The following ZNRF2 variants were observed in gnomAD, a reference collection of about 807,000 sequenced individuals.
ZNRF2 encodes the protein zinc and ring finger 2, also known as E3 ubiquitin-protein ligase ZNRF2.
A neutral mutation model predicts 20.4 loss-of-function variants in ZNRF2; 16 were observed. The observed-to-expected ratio is 0.79, with a 90% CI of 0.53 to 1.19. The LOEUF (loss-of-function observed/expected upper bound fraction) is 1.19, where lower values mean the gene tolerates loss of function less well. Ranked by LOEUF, ZNRF2 falls within the 50% of genes most tolerant of loss-of-function variation. The pLI is 0.00. For missense variants in ZNRF2, 363 were observed against 332.4 expected (o/e 1.09, Z -0.72); for synonymous variants, 178 against 144.9 (o/e 1.23, Z -1.64).
intron 4 of ZNRF2, among the ~76,000 whole-genome samples, chr7:30,363,739 A>G (rs954426603): frequency 3.3e-5 from 5 of 151,372 alleles, no homozygotes; most frequent in African/African-American, 4.9e-5. Context: ...GCTGACCTCA[A>G]TTGGGTATTT....
chr7:30,362,834 G>C (rs150974570), intron 4 of ZNRF2, among the ~76,000 whole-genome samples: 1 of 152,160 alleles, frequency 6.6e-6, no homozygotes, highest in African/African-American at 2.4e-5. Flanking sequence ...AGAATCACTT[G>C]AGGCTGGGCA....
At chr7:30,346,632 G>T in intron 2 of ZNRF2, among the ~76,000 whole-genome samples, 1 of 151,492 alleles carries the variant, frequency 6.6e-6, no homozygotes, top group African/African-American at 2.4e-5. Flanking sequence ...GAATTTTTTT[G>T]TTTTTTCACC....
At chr7:30,328,044 G>C (rs899368501) in intron 2 of ZNRF2, among the ~76,000 whole-genome samples, 12 of 152,096 alleles carry the variant, frequency 7.9e-5, no homozygotes, top group Non-Finnish European at 1.2e-4. Flanking sequence ...AGCTTTGCCT[G>C]GACTGATTTG....
chr7:30,286,878 TTTAC>T (rs888137604), intron 1 of ZNRF2, among the ~76,000 whole-genome samples: 4 of 152,212 alleles, frequency 2.6e-5, no homozygotes, highest in African/African-American at 7.2e-5. Context: ...TTGTGCCGCT[TTTAC>T]TTATATATTT....
Position 30,285,150 on chromosome 7 carries a change from C to T in ZNRF2, c.-208C>T, listed in dbSNP as rs1329772670. 3 of 416,414 alleles carry T rather than the reference C, an allele frequency of 7.2e-6. No homozygotes were observed. In the Admixed American group the frequency reaches 8.6e-5, roughly 12 times the overall value. The allele number at this position is 416,414 out of a possible 1,614,324, so 25.8% of individuals were successfully genotyped here. A position where few individuals can be genotyped will look rare whatever the true frequency, so the allele number is the denominator to read the frequency against. ...CGCGTCTCCTCGTCTCCCGCGCCCG[C>T]GTCAGGCCGTCGGCCTCGCCCGCCG... On this transcript the variant is annotated 5_prime_UTR_variant, in exon 1 of 5. Coordinates refer to ENST00000323037, the MANE Select transcript of ZNRF2 (RefSeq NM_147128.4).
intron 2 of ZNRF2, among the ~76,000 whole-genome samples, chr7:30,325,084 A>C (rs962844399): frequency 1.3e-5 from 2 of 152,186 alleles, no homozygotes; most frequent in Non-Finnish European, 1.5e-5. Context: ...TCCAAAACCT[A>C]GGAAAGATTT....
At chr7:30,358,855 T>C (rs567559992) in intron 3 of ZNRF2, among the ~76,000 whole-genome samples, 1 of 152,314 alleles carries the variant, frequency 6.6e-6, no homozygotes, top group African/African-American at 2.4e-5. Flanking sequence ...CTTGGTCAAG[T>C]TGTTTTTTTC....
chr7:30,353,172 G>C (rs1799984783), intron 2 of ZNRF2, among the ~76,000 whole-genome samples: 1 of 152,114 alleles, frequency 6.6e-6, no homozygotes, highest in Non-Finnish European at 1.5e-5. Flanking sequence ...ATGAGGTTTT[G>C]AAGTCAGAGT....
intron 4 of ZNRF2, among the ~76,000 whole-genome samples, chr7:30,362,892 C>T (rs944997508): frequency 1.3e-5 from 2 of 152,016 alleles, no homozygotes; most frequent in African/African-American, 4.8e-5. Context: ...CCGAGGCGGG[C>T]GGGTCACGAG....
chr7:30,312,110 G>T (rs1799300499), intron 1 of ZNRF2, among the ~76,000 whole-genome samples: 1 of 152,056 alleles, frequency 6.6e-6, no homozygotes, highest in Non-Finnish European at 1.5e-5. Flanking sequence ...TCGAGTAGCT[G>T]GGACTACAGG....
rs1043485231 is a variant in ZNRF2, at chr7:30,344,044, C to T, written c.566-11684C>T. Among the ~76,000 whole-genome samples the T allele has an allele frequency of 4.6e-5, 7 of 151,394 alleles. No individual in the cohort carries two copies. The East Asian group carries it at 5.8e-4, about 13-fold the overall frequency. ...AAGCGATTCCCCTGCCTCAGCCTCC[C>T]GAATAGCTGGGATTACAGGCGCCTG... On this transcript the variant is annotated intron_variant, in intron 2 of 4. Coordinates refer to ENST00000323037, the MANE Select transcript of ZNRF2 (RefSeq NM_147128.4).
intron 2 of ZNRF2, among the ~76,000 whole-genome samples, chr7:30,346,073 G>A (rs1460863352): frequency 4.0e-5 from 6 of 149,042 alleles, no homozygotes; most frequent in African/African-American, 9.9e-5. Context: ...GCTATTAGAC[G>A]CCCAAAATAT....
chr7:30,365,866 G>A (rs1800205486), intron 4 of ZNRF2, among the ~76,000 whole-genome samples, 169 bp from the exon 5 acceptor site: 2 of 152,132 alleles, frequency 1.3e-5, no homozygotes, highest in Non-Finnish European at 1.5e-5. Flanking sequence ...TGTGAAAGGG[G>A]GATGACTTTG....
At chr7:30,332,370 T>TA (rs1005170004) in intron 2 of ZNRF2, among the ~76,000 whole-genome samples, 9 of 151,736 alleles carry the variant, frequency 5.9e-5, no homozygotes, top group African/African-American at 1.7e-4. Flanking sequence ...TGTTACCTTT[T>TA]AAAAAAAAAT....
At chr7:30,338,410 T>C (rs912965686) in intron 2 of ZNRF2, among the ~76,000 whole-genome samples, 3 of 150,982 alleles carry the variant, frequency 2.0e-5, no homozygotes, top group African/African-American at 7.4e-5. Flanking sequence ...CTCCTAATGC[T>C]GTCCCTCCCC....
chr7:30,295,044 AGAGAGAGTGTGT>A (rs1176582837), intron 1 of ZNRF2, among the ~76,000 whole-genome samples: 6 of 111,800 alleles, frequency 5.4e-5, no homozygotes, highest in South Asian at 3.0e-4. Flanking sequence ...AGAGAGAGAG[AGAGAGAGTGTGT>A]GTGTGTGTGT....
chr7:30,328,448 T>C (rs1325331638), intron 2 of ZNRF2, among the ~76,000 whole-genome samples: 2 of 152,208 alleles, frequency 1.3e-5, no homozygotes, highest in Non-Finnish European at 2.9e-5. Context: ...CCAAAGTAGC[T>C]AGATCTGAAA....
chr7:30,314,390 C>T (rs1199832692), intron 1 of ZNRF2, among the ~76,000 whole-genome samples: 1 of 152,018 alleles, frequency 6.6e-6, no homozygotes, highest in Non-Finnish European at 1.5e-5. Context: ...CAGTGGTGGC[C>T]CACTGTTAAG....
At position 30,285,335 on chromosome 7, in the gene ZNRF2, G is replaced by A; in HGVS notation, c.-23G>A. The stretch of plus-strand genomic sequence containing the variant: ...CCGGCTCTCGGGGCGCAGCGCGCGG[G>A]CCCGGCCCGGGGCAGGGCGGACATG... On this transcript the variant is annotated 5_prime_UTR_variant, in exon 1 of 5. Coordinates refer to ENST00000323037, the MANE Select transcript of ZNRF2 (RefSeq NM_147128.4). The A allele has an allele frequency of 1.8e-6, 2 of 1,103,704 alleles. No homozygotes were observed. Among genetic ancestry groups the A allele is most frequent in the South Asian group, 3.3e-5 (1 of 30,214 alleles). 68.4% of individuals were successfully genotyped at this position (1,103,704 alleles called of 1,614,324 possible). A position where few individuals can be genotyped will look rare whatever the true frequency, so the allele number is the denominator to read the frequency against.
Sources: allele counts gnomAD v4.1 joint callset (sites outside exome capture counted in the v4.1 genomes callset), GRCh38; gene constraint gnomAD v4.1.1; transcripts MANE v1.5; gene names NCBI Gene and HGNC (gene_info 2026-07-23, HGNC 2026-07-21).